ITGB6: variants seen among roughly 807,000 people sequenced by gnomAD.
ITGB6 encodes integrin beta-6.
ITGB6 carries 80 observed loss-of-function variants against 84.5 expected under a neutral mutation model. The ratio of observed to expected loss-of-function variants is 0.95; its 90% CI spans 0.79 to 1.14. The LOEUF (loss-of-function observed/expected upper bound fraction) is 1.14, where lower values mean the gene tolerates loss of function less well. Among genes scored for constraint, ITGB6 ranks in the 50% most tolerant of loss-of-function variants. The pLI is 0.00. For missense variants in ITGB6, 1,006 were observed against 968.0 expected, an observed-to-expected ratio of 1.04 and a Z score of -0.52; for synonymous variants, 383 against 354.9, an observed-to-expected ratio of 1.08 and a Z score of -0.89.
chr2:160,113,011 A>G (rs933033501), intron 12 of ITGB6, among the ~76,000 whole-genome samples: 1 of 152,228 alleles, frequency 6.6e-6, no homozygotes, highest in African/African-American at 2.4e-5. Flanking sequence ...AGAAAACCAA[A>G]CAAATTTGCT....
chr2:160,189,090 T>C (rs1412301613), intron 4 of ITGB6, among the ~76,000 whole-genome samples: 1 of 151,948 alleles, frequency 6.6e-6, no homozygotes, highest in Non-Finnish European at 1.5e-5. Context: ...CTGACAAAAA[T>C]AAGAAATGGG....
chr2:160,139,866 C>T (rs1288842711), intron 8 of ITGB6, among the ~76,000 whole-genome samples: 8 of 152,202 alleles, frequency 5.3e-5, no homozygotes, highest in Admixed American at 2.0e-4. Context: ...TTTTATTATA[C>T]GATCGGGGAA....
intron 7 of ITGB6, among the ~76,000 whole-genome samples, chr2:160,151,798 A>G (rs1023729544): frequency 6.6e-5 from 10 of 152,330 alleles, no homozygotes; most frequent in African/African-American, 1.4e-4. Context: ...AAAAACTACC[A>G]TCAAAGAATA....
chr2:160,173,964 T>G lies in ITGB6; in HGVS notation c.759+10A>C, dbSNP rs773686266. 1 of 1,608,830 alleles carries G rather than the reference T, an allele frequency of 6.2e-7. No individual in the cohort carries two copies. Among genetic ancestry groups the G allele is most frequent in the Non-Finnish European group, 8.5e-7 (1 of 1,178,634 alleles). ...GTTAACAGAGTGAAACAGCACTCCC[T>G]TCAGCATACCTTACACACAGCAGCT... On this transcript the variant is annotated intron_variant, in intron 5 of 14. Coordinates refer to ENST00000283249, the MANE Select transcript of ITGB6 (RefSeq NM_000888.5).
At chr2:160,131,148 A>G (rs1279819169) in intron 10 of ITGB6, among the ~76,000 whole-genome samples, 1 of 152,182 alleles carries the variant, frequency 6.6e-6, no homozygotes, top group Non-Finnish European at 1.5e-5. Flanking sequence ...TCAAGAAAAA[A>G]TTACCATGCT....
chr2:160,174,202 C>A, intron 4 of ITGB6, 63 bp from the exon 5 acceptor site: 1 of 1,234,380 alleles, frequency 8.1e-7, no homozygotes, highest in Non-Finnish European at 1.1e-6. Flanking sequence ...ATTAATGGAT[C>A]TAATAGCTTA....
Position 160,196,216 on chromosome 2 carries a change from C to G in ITGB6, c.346G>C (p.Gly116Arg), listed in dbSNP as rs567764082. 1.2e-6 allele frequency: 2 copies of G among 1,613,330 alleles called. No individual in the cohort carries two copies. Among genetic ancestry groups the G allele is most frequent in the South Asian group, 2.2e-5 (2 of 91,046 alleles). Residue 116 changes from glycine to arginine, a missense_variant and splice_region_variant, in exon 3 of 15, where the codon GGT becomes CGT. By Grantham distance (125) the Gly-to-Arg change is moderately radical. Coordinates refer to ENST00000283249, the MANE Select transcript of ITGB6 (RefSeq NM_000888.5). ...TTACATGAGCCAAATCCTAACATAC[C>G]TGGTCTCAACTTAAGGATCAAGCTT... is the stretch of plus-strand genomic sequence containing the variant. ...PQSLILKLRP[G>R]GAQTLQVHVR...
chr2:160,189,975 C>T (rs1247734536), intron 4 of ITGB6, among the ~76,000 whole-genome samples: 5 of 152,000 alleles, frequency 3.3e-5, no homozygotes, highest in Non-Finnish European at 7.4e-5. Context: ...CAATGATAGA[C>T]TTGATTAAGA....
At chr2:160,130,164 TG>T (rs1302516929) in intron 10 of ITGB6, among the ~76,000 whole-genome samples, 2 of 152,152 alleles carry the variant, frequency 1.3e-5, no homozygotes, top group East Asian at 3.9e-4. Context: ...TGGAGGCAAT[TG>T]TAACACCACG....
At chr2:160,185,866 T>A (rs1685872772) in intron 4 of ITGB6, among the ~76,000 whole-genome samples, 1 of 152,120 alleles carries the variant, frequency 6.6e-6, no homozygotes, top group Non-Finnish European at 1.5e-5. Context: ...AAACAAGCAA[T>A]GGGGAAAGGA....
chr2:160,172,098 T>C (rs796164921), intron 6 of ITGB6, among the ~76,000 whole-genome samples: 101 of 152,324 alleles, frequency 6.6e-4, no homozygotes, highest in African/African-American at 2.3e-3. Context: ...CACTAGCATT[T>C]TATAAATGAC....
chr2:160,148,267 A>C (rs1684274401), intron 7 of ITGB6, among the ~76,000 whole-genome samples: 1 of 152,228 alleles, frequency 6.6e-6, no homozygotes, highest in Non-Finnish European at 1.5e-5. Context: ...ACCTTTATGC[A>C]TGTATTAGAA....
chr2:160,126,651 A>T, intron 10 of ITGB6, 50 bp from the exon 11 acceptor site: 1 of 1,543,702 alleles, frequency 6.5e-7, no homozygotes, highest in Non-Finnish European at 8.9e-7. Context: ...ACACTTGCAG[A>T]TTTGAGGGGG....
At chr2:160,158,161 G>C (rs1684696201) in intron 7 of ITGB6, among the ~76,000 whole-genome samples, 1 of 152,324 alleles carries the variant, frequency 6.6e-6, no homozygotes, top group Admixed American at 6.5e-5. Context: ...GCATTCCATA[G>C]GCAGGCAGGT....
rs1683824389 is a variant in ITGB6 at position 160,137,918 on chromosome 2, CGGAAAT to C, written c.1243-73_1243-68del. On this transcript the variant is annotated intron_variant, in intron 9 of 14. Coordinates refer to ENST00000283249, the MANE Select transcript of ITGB6 (RefSeq NM_000888.5). ...ATGCACGAGGTGAAACAAGGCTTCA[CGGAAAT>C]CAGCTTTGCCAAAAGCATTTACTAG... The C allele has an allele frequency of 2.6e-6, 4 of 1,555,956 alleles. No homozygotes were observed. In the Admixed American group the frequency reaches 5.5e-5, roughly 22 times the overall value.
At chr2:160,115,637 C>T (rs560852941) in intron 12 of ITGB6, among the ~76,000 whole-genome samples, 3 of 152,216 alleles carry the variant, frequency 2.0e-5, no homozygotes, top group Non-Finnish European at 4.4e-5. Flanking sequence ...AGCTCCTCAC[C>T]AGCAGTGGAA....
chr2:160,102,514 C>T (rs1438968369), intron 14 of ITGB6, among the ~76,000 whole-genome samples: 2 of 152,158 alleles, frequency 1.3e-5, no homozygotes, highest in African/African-American at 4.8e-5. Context: ...ATGGAGGACC[C>T]TGGGGTCATG....
intron 7 of ITGB6, among the ~76,000 whole-genome samples, chr2:160,154,585 G>GA (rs1339621009): frequency 1.3e-5 from 2 of 151,916 alleles, no homozygotes; most frequent in African/African-American, 4.8e-5. Flanking sequence ...AGTATAAAAA[G>GA]AAAGAGTTGA....
chr2:160,178,849 A>G (rs1237817142), intron 4 of ITGB6: 1 of 152,020 alleles, frequency 6.6e-6, no homozygotes, highest in African/African-American at 2.4e-5. Flanking sequence ...GGTATGTACC[A>G]CCATACCCAG....
Sources: allele counts gnomAD v4.1 joint callset (sites outside exome capture counted in the v4.1 genomes callset), GRCh38; gene constraint gnomAD v4.1.1; transcripts MANE v1.5; gene names NCBI Gene and HGNC (gene_info 2026-07-23, HGNC 2026-07-21).